The following GALNT5 variants were observed in gnomAD, a reference collection of about 807,000 sequenced individuals.
The protein encoded by GALNT5 is UDP-GalNAc:polypeptide N-acetylgalactosaminyltransferase 5.
GALNT5 carries 72 observed loss-of-function variants against 85.4 expected under a neutral mutation model. The observed-to-expected ratio is 0.84, with a 90% CI of 0.70 to 1.03. The LOEUF (loss-of-function observed/expected upper bound fraction) is 1.03, where lower values mean the gene tolerates loss of function less well. GALNT5 is among the 50% of genes least tolerant of loss of function. GALNT5 has a pLI of 0.00. For missense variants in GALNT5, 1,137 were observed against 1,135.5 expected (o/e 1.00, Z -0.02); for synonymous variants, 404 against 397.0 (o/e 1.02, Z -0.21).
chr2:157,258,754 T>C lies in GALNT5; in HGVS notation c.672T>C (p.Thr224=). The C allele has an allele frequency of 6.2e-7, 1 of 1,611,608 alleles. No individual in the cohort carries two copies. The highest frequency in any genetic ancestry group is 8.5e-7 in the Non-Finnish European group (1 of 1,178,172). Residue 224 remains threonine (T), a synonymous_variant, in exon 1 of 10, where the codon ACT becomes ACC. Transcript: ENST00000259056. The stretch of plus-strand genomic sequence containing the variant: ...TGAATGTGACCATCAGTCTTAGTAC[T>C]GATAGACCAAAGCAGCGATCACAGG... ...RDLNVTISLS[T]DRPKQRSQAV...
intron 1 of GALNT5, among the ~76,000 whole-genome samples, chr2:157,271,412 A>G (rs1177570950): frequency 3.3e-5 from 5 of 152,208 alleles, no homozygotes; most frequent in African/African-American, 1.2e-4. Context: ...AGGATTTTAA[A>G]CAGAAGAGTG....
chr2:157,307,102 C>T (rs1683469910), intron 8 of GALNT5, among the ~76,000 whole-genome samples: 1 of 151,936 alleles, frequency 6.6e-6, no homozygotes, highest in African/African-American at 2.4e-5. Context: ...TTCTTGATGA[C>T]CATTGAGTCT....
chr2:157,292,256 G>C (rs1365019967), intron 3 of GALNT5, among the ~76,000 whole-genome samples: 3 of 152,070 alleles, frequency 2.0e-5, no homozygotes, highest in Non-Finnish European at 4.4e-5. Context: ...TCTGAATCAG[G>C]AACAGTGCGT....
In GALNT5 at chr2:157,257,813, G is replaced by A. The variant is rs1574005780; in HGVS notation, c.-270G>A. 8.5e-6 allele frequency: 4 copies of A among 470,638 alleles called. No homozygotes were observed. Among genetic ancestry groups the A allele is most frequent in the African/African-American group, 3.9e-5 (2 of 51,168 alleles). The allele number at this position is 470,638 out of a possible 1,614,324, so 29.2% of individuals were successfully genotyped here. On this transcript the variant is annotated 5_prime_UTR_variant, in exon 1 of 10. The change creates a premature stop within an existing upstream ORF in the 5' untranslated region. Transcript: ENST00000259056. ...CGGTGGCTGGAATCAACTGCTCCTGGAGTGACCTAAGGCCAGTGTTTATCA... is the reference window on the plus strand; with the variant it reads ...CGGTGGCTGGAATCAACTGCTCCTGAAGTGACCTAAGGCCAGTGTTTATCA...
intron 1 of GALNT5, among the ~76,000 whole-genome samples, chr2:157,267,080 G>A (rs1356754462): frequency 2.0e-5 from 3 of 152,188 alleles, no homozygotes; most frequent in African/African-American, 7.2e-5. Context: ...ATGTGATGCC[G>A]AAACACAGGG....
In GALNT5 at chr2:157,287,595, G is replaced by C. The variant is rs150925788; in HGVS notation, c.1741+1461G>C. Among the ~76,000 whole-genome samples the C allele has an allele frequency of 3.5e-4, 53 of 152,188 alleles. 1 individual carries two copies. The highest frequency in any genetic ancestry group is 1.3e-3 in the African/African-American group (53 of 41,518). On this transcript the variant is annotated intron_variant, in intron 3 of 9. Coordinates refer to ENST00000259056, the MANE Select transcript of GALNT5 (RefSeq NM_014568.3). ...TGACCCATCAATATTTCAAGATTTC[G>C]TAATGTTTTAATTCTATAATCCTCA...
At chr2:157,298,491 C>T (rs1014959023) in intron 5 of GALNT5, among the ~76,000 whole-genome samples, 1 of 152,184 alleles carries the variant, frequency 6.6e-6, no homozygotes, top group Non-Finnish European at 1.5e-5. Context: ...CGCAGCCTTT[C>T]ATTAGCCAAC....
At chr2:157,299,782 A>G in intron 6 of GALNT5, 117 bp downstream of exon 6, 1 of 521,838 alleles carries the variant, frequency 1.9e-6, no homozygotes, top group South Asian at 3.7e-5. Flanking sequence ...ATTTCACAGA[A>G]ATTTTAGGGT....
intron 3 of GALNT5, among the ~76,000 whole-genome samples, chr2:157,291,229 AG>A (rs1031279806): frequency 7.9e-5 from 12 of 152,238 alleles, no homozygotes; most frequent in African/African-American, 2.9e-4. Context: ...AGTAAATATT[AG>A]GTTTTCATTT....
chr2:157,258,238 G>A lies in GALNT5; in HGVS notation c.156G>A (p.Arg52=), dbSNP rs2105137169. 1 of 1,612,708 alleles carries A rather than the reference G, an allele frequency of 6.2e-7. No homozygotes were observed. Among genetic ancestry groups the A allele is most frequent in the Admixed American group, 1.7e-5 (1 of 59,780 alleles). Residue 52 remains arginine (R), a synonymous_variant, in exon 1 of 10, where the codon AGG becomes AGA. Coordinates refer to ENST00000259056, the MANE Select transcript of GALNT5 (RefSeq NM_014568.3). Reference sequence around the variant, plus strand: ...TCATCAAGGAAGACATTGTGAGGAGGGAGCGGATAGGATTCAGAGTTCAGC... The same window carrying A: ...TCATCAAGGAAGACATTGTGAGGAGAGAGCGGATAGGATTCAGAGTTCAGC... ...TRVIKEDIVR[R]ERIGFRVQPD...
At chr2:157,291,735 T>C (rs1456183426) in intron 3 of GALNT5, among the ~76,000 whole-genome samples, 1 of 145,048 alleles carries the variant, frequency 6.9e-6, no homozygotes, top group Non-Finnish European at 1.5e-5. Context: ...CAGGTAGCAA[T>C]CAAGGTTGGA....
intron 7 of GALNT5, among the ~76,000 whole-genome samples, chr2:157,304,041 T>C (rs1053820032): frequency 2.6e-5 from 4 of 152,244 alleles, no homozygotes; most frequent in African/African-American, 9.6e-5. Context: ...TGTTTGAAGA[T>C]AGAATATTTC....
chr2:157,293,828 C>G (rs1020375956), intron 3 of GALNT5, among the ~76,000 whole-genome samples: 1 of 152,186 alleles, frequency 6.6e-6, no homozygotes, highest in Non-Finnish European at 1.5e-5. Flanking sequence ...GTTCTCTAAG[C>G]CTTCTCATAC....
At position 157,258,204 on chromosome 2, in the gene GALNT5, A is replaced by G; in HGVS notation, c.122A>G (p.Asn41Ser). 1 of 1,614,002 alleles carries G rather than the reference A, an allele frequency of 6.2e-7. No individual in the cohort carries two copies. The highest frequency in any genetic ancestry group is 8.5e-7 in the Non-Finnish European group (1 of 1,179,992). ...AALRLSFSEI[N>S]TRVIKEDIVR... ...CTCCGCCTCTCATTCAGTGAGATCA[A>G]CACTCGGGTCATCAAGGAAGACATT... is the stretch of plus-strand genomic sequence containing the variant. Residue 41 changes from asparagine (N) to serine (S), a missense_variant, in exon 1 of 10, where the codon AAC becomes AGC. By Grantham distance (46) the Asn-to-Ser change is conservative (BLOSUM62 1). Coordinates refer to ENST00000259056, the MANE Select transcript of GALNT5 (RefSeq NM_014568.3).
rs1405525009 is a variant in GALNT5, at chr2:157,316,104, C to T, written c.*4756C>T. Among the ~76,000 whole-genome samples the T allele has an allele frequency of 6.6e-6, 1 of 152,068 alleles. No homozygotes were observed. The highest frequency in any genetic ancestry group is 1.5e-5 in the Non-Finnish European group (1 of 68,022). ...AAATGCATCTTCTACCTGGCTGTCA[C>T]CATGACATTTGCACACGTGGCTTCA... On this transcript the variant is annotated 3_prime_UTR_variant, in exon 10 of 10. Transcript: ENST00000259056.
chr2:157,284,220 T>C, intron 1 of GALNT5, 62 bp from the exon 2 acceptor site: 6 of 1,448,020 alleles, frequency 4.1e-6, no homozygotes, highest in East Asian at 2.3e-5. Flanking sequence ...TCTGTGACTT[T>C]TAAAACTATC....
intron 1 of GALNT5, among the ~76,000 whole-genome samples, chr2:157,266,013 A>G (rs1682450742): frequency 6.6e-6 from 1 of 152,248 alleles, no homozygotes; most frequent in South Asian, 2.1e-4. Flanking sequence ...AGATACTATC[A>G]TCATCCCAGC....
intron 3 of GALNT5, among the ~76,000 whole-genome samples, chr2:157,287,734 A>G (rs1327327063): frequency 6.6e-6 from 1 of 152,154 alleles, no homozygotes; most frequent in African/African-American, 2.4e-5. Flanking sequence ...TGGTGAGTGA[A>G]TGAGAAGTGA....
intron 1 of GALNT5, among the ~76,000 whole-genome samples, chr2:157,275,330 T>C (rs1416375327): frequency 6.6e-6 from 1 of 152,206 alleles, no homozygotes; most frequent in Non-Finnish European, 1.5e-5. Flanking sequence ...TTTGGTTCCA[T>C]ATGAACTTTA....
Sources: gnomAD v4.1 joint callset for allele counts (sites outside exome capture counted in the v4.1 genomes callset) on GRCh38, gnomAD v4.1.1 for gene constraint, MANE v1.5 for transcripts, NCBI Gene and HGNC (gene_info 2026-07-23, HGNC 2026-07-21) for gene names.